The following DLGAP2 variants were observed in gnomAD, a reference collection of about 807,000 sequenced individuals.
DLGAP2 encodes disks large-associated protein 2.
Under a neutral mutation model 100.3 loss-of-function variants are expected in DLGAP2, and 26 were observed. The ratio of observed to expected loss-of-function variants is 0.26; its 90% CI spans 0.19 to 0.36. The LOEUF is 0.36. Ranked by LOEUF, DLGAP2 falls within the 10% of genes least tolerant of loss-of-function variation. DLGAP2 has a pLI of 1.00. For synonymous variants in DLGAP2, 886 were observed against 630.1 expected (o/e 1.41, Z -6.08); for missense variants, 1,858 against 1,453.2 (o/e 1.28, Z -4.53).
At chr8:1,553,860 C>G (rs924325565) in intron 5 of DLGAP2, among the ~76,000 whole-genome samples, 15 of 152,166 alleles carry the variant, frequency 9.9e-5, no homozygotes, top group Non-Finnish European at 2.1e-4. Context: ...CAGTTAGGTA[C>G]AAAAACACAT....
chr8:1,453,256 G>C (rs957439881), intron 3 of DLGAP2, among the ~76,000 whole-genome samples: 6 of 152,118 alleles, frequency 3.9e-5, no homozygotes, highest in African/African-American at 9.7e-5. Flanking sequence ...GGCCGTGCTG[G>C]CCGGTCAGGC....
intron 2 of DLGAP2, among the ~76,000 whole-genome samples, chr8:1,009,594 A>C (rs922859881): frequency 1.3e-5 from 2 of 152,226 alleles, no homozygotes; most frequent in Non-Finnish European, 2.9e-5. Flanking sequence ...GGATGGAGTC[A>C]GTGATTATGT....
At chr8:1,346,684 C>T (rs1168534622) in intron 3 of DLGAP2, among the ~76,000 whole-genome samples, 1 of 131,452 alleles carries the variant, frequency 7.6e-6, no homozygotes, top group African/African-American at 2.9e-5. Context: ...CCATACAGAG[C>T]TGCTTTAAAC....
intron 2 of DLGAP2, among the ~76,000 whole-genome samples, chr8:1,142,074 G>T (rs1210535199): frequency 7.4e-5 from 11 of 149,538 alleles, no homozygotes; most frequent in Admixed American, 6.7e-4. Context: ...ACGTATATAA[G>T]TTTTTTTTTT....
At position 1,287,771 on chromosome 8, in the gene DLGAP2, GTGTGTGTGTC is replaced by G. The variant is rs1183155204; in HGVS notation, c.106+28896_106+28905del. On this transcript the variant is annotated intron_variant, in intron 3 of 14. Transcript: ENST00000637795. ...ACTAGTTTTGGTTCAGCGTGTGTGT[GTGTGTGTGTC>G]TGTGTGTATGTGTGTGTGGTTCTGT... Among the ~76,000 whole-genome samples the G allele has an allele frequency of 1.1e-4, 6 of 53,392 alleles. 1 individual carries two copies. Among genetic ancestry groups the G allele is most frequent in the African/African-American group, 3.6e-4 (4 of 11,146 alleles). The allele number at this position is 53,392 out of a possible 152,430, so 35.0% of individuals were successfully genotyped here.
chr8:1,298,438 T>C (rs1800244641), intron 3 of DLGAP2, among the ~76,000 whole-genome samples: 1 of 152,128 alleles, frequency 6.6e-6, no homozygotes, highest in Non-Finnish European at 1.5e-5. Context: ...TGTGACACGT[T>C]CTGTACTGGG....
chr8:1,227,183 A>ATATATATATATATATATATATCTATC (rs1563265070), intron 2 of DLGAP2, among the ~76,000 whole-genome samples: 2 of 132,534 alleles, frequency 1.5e-5, no homozygotes, highest in African/African-American at 6.6e-5. Flanking sequence ...TAGTATAGAT[A>ATATATATATATATATATATATCTATC]TATATTATCC....
chr8:1,060,523 G>A (rs1034712185), intron 2 of DLGAP2, among the ~76,000 whole-genome samples: 11 of 151,834 alleles, frequency 7.2e-5, no homozygotes, highest in African/African-American at 2.2e-4. Context: ...TGTCCTGAGC[G>A]TCTCTTCTTA....
chr8:1,267,637 G>GAAATAATAAAA lies in DLGAP2; in HGVS notation c.106+8754_106+8755insAAATAATAAAA, dbSNP rs1382093781. ...ATAAGATAAGATAAATATTAAATAG[G>GAAATAATAAAA]TCTACAAAAAGGCCTCCAGGGTCAG... On this transcript the variant is annotated intron_variant, in intron 3 of 14. Coordinates refer to ENST00000637795, the MANE Select transcript of DLGAP2 (RefSeq NM_001346810.2). Among the ~76,000 whole-genome samples the GAAATAATAAAA allele has an allele frequency of 2.6e-3, 242 of 91,962 alleles. 34 individuals carry two copies. The highest frequency in any genetic ancestry group is 9.9e-3 in the African/African-American group (229 of 23,158). The allele number at this position is 91,962 out of a possible 152,430, so 60.3% of individuals were successfully genotyped here. A position where few individuals can be genotyped will look rare whatever the true frequency, so the allele number is the denominator to read the frequency against.
intron 2 of DLGAP2, among the ~76,000 whole-genome samples, chr8:950,826 A>G (rs1314037520): frequency 6.6e-6 from 1 of 151,752 alleles, no homozygotes; most frequent in African/African-American, 2.4e-5. Flanking sequence ...GGGTTTCACC[A>G]TATTGGCCAG....
chr8:1,551,533 C>G (rs1309616214), intron 5 of DLGAP2, among the ~76,000 whole-genome samples: 1 of 152,186 alleles, frequency 6.6e-6, no homozygotes, highest in Non-Finnish European at 1.5e-5. Context: ...CCACCCACTT[C>G]CTCCCAGGAA....
At chr8:1,423,477 G>A (rs1052960029) in intron 3 of DLGAP2, among the ~76,000 whole-genome samples, 6 of 152,170 alleles carry the variant, frequency 3.9e-5, no homozygotes, top group African/African-American at 9.7e-5. Context: ...TCTCCATACC[G>A]CTCCATGCAC....
intron 2 of DLGAP2, among the ~76,000 whole-genome samples, chr8:1,252,191 C>T (rs368960908): frequency 5.9e-5 from 9 of 151,388 alleles, no homozygotes; most frequent in East Asian, 2.0e-4. Context: ...GTGTCACAGT[C>T]GTGTCATGTC....
intron 2 of DLGAP2, among the ~76,000 whole-genome samples, chr8:959,401 G>A (rs1455246776): frequency 6.6e-6 from 1 of 152,216 alleles, no homozygotes; most frequent in Non-Finnish European, 1.5e-5. Context: ...TGTCCTGTGA[G>A]AAACGCCACT....
At chr8:1,132,904 TG>T (rs962876111) in intron 2 of DLGAP2, among the ~76,000 whole-genome samples, 8 of 152,222 alleles carry the variant, frequency 5.3e-5, no homozygotes, top group African/African-American at 1.9e-4. Flanking sequence ...TTTAAAAATT[TG>T]GGGGTCAACA....
Position 1,701,316 on chromosome 8 carries a change from C to T in DLGAP2, c.3078C>T (p.Ala1026=), listed in dbSNP as rs759092864. ...AAGCCCGGAGGCGCCTCATGGCCGC[C>T]AAGCGAGCGGCGTCCTTCCGGCAGA... The part of the protein sequence containing the change: ...RQEARRRLMA[A]KRAASFRQNS... The change falls in exon 15 of 15, where the codon GCC becomes GCT. Residue 1026 remains alanine (A), a synonymous_variant. Transcript: ENST00000637795. 3 of 1,588,216 alleles carry T rather than the reference C, an allele frequency of 1.9e-6. No individual in the cohort carries two copies. Among genetic ancestry groups the T allele is most frequent in the Non-Finnish European group, 2.6e-6 (3 of 1,168,048 alleles).
At position 966,419 on chromosome 8, in the gene DLGAP2, C is replaced by T. The variant is rs181777536; in HGVS notation, c.73+58453C>T. Among the ~76,000 whole-genome samples, 70 of 152,282 alleles carry T rather than the reference C, an allele frequency of 4.6e-4. 1 individual carries two copies. The highest frequency in any genetic ancestry group is 1.7e-3 in the African/African-American group (69 of 41,552). ...GTATCGAGGAAGCTTCCATTTCAAA[C>T]CAACTCCGCAGGAAAGTTTTAGGGT... On this transcript the variant is annotated intron_variant, in intron 2 of 14. Coordinates refer to ENST00000637795, the MANE Select transcript of DLGAP2 (RefSeq NM_001346810.2).
rs553223961 is a variant in DLGAP2 at position 1,325,614 on chromosome 8, GA to G, written c.106+66732del. On this transcript the variant is annotated intron_variant, in intron 3 of 14. Coordinates refer to ENST00000637795, the MANE Select transcript of DLGAP2 (RefSeq NM_001346810.2). ...GGATCTCCCCTGAAAGGATTAAGGG[GA>G]CACAAGCATACCCTACAGGGCCTGA... is the stretch of plus-strand genomic sequence containing the variant. Among the ~76,000 whole-genome samples, 265 of 152,326 alleles carry G rather than the reference GA, an allele frequency of 1.7e-3. 2 individuals are homozygous for G. The highest frequency in any genetic ancestry group is 3.4e-3 in the Non-Finnish European group (231 of 68,032).
At chr8:1,410,065 G>A (rs1796684971) in intron 3 of DLGAP2, among the ~76,000 whole-genome samples, 2 of 152,104 alleles carry the variant, frequency 1.3e-5, no homozygotes, top group South Asian at 2.1e-4. Context: ...CTGAGAAATG[G>A]TGTCAGGTCC....
Sources: gnomAD v4.1 joint callset for allele counts (sites outside exome capture counted in the v4.1 genomes callset) on GRCh38, gnomAD v4.1.1 for gene constraint, MANE v1.5 for transcripts, NCBI Gene and HGNC (gene_info 2026-07-23, HGNC 2026-07-21) for gene names.